Variants in OXR1 observed in about 807,000 individuals in gnomAD.
OXR1 encodes the protein oxidation resistance 1.
OXR1 carries 41 observed loss-of-function variants against 104.6 expected under a neutral mutation model. The observed-to-expected ratio is 0.39, with a 90% CI of 0.31 to 0.51. The LOEUF (loss-of-function observed/expected upper bound fraction) is 0.51. Among genes scored for constraint, OXR1 ranks in the 20% least tolerant of loss-of-function variants. OXR1 has a pLI of 0.77. For missense variants in OXR1, 955 were observed against 1,031.9 expected (o/e 0.93, Z 1.02); for synonymous variants, 348 against 348.4 (o/e 1.00, Z 0.01).
chr8:106,484,358 C>G (rs538390943), intron 2 of OXR1, among the ~76,000 whole-genome samples: 9 of 151,966 alleles, frequency 5.9e-5, no homozygotes, highest in Non-Finnish European at 1.3e-4. Flanking sequence ...CCCAGTTGCC[C>G]TGAATTGATC....
intron 2 of OXR1, among the ~76,000 whole-genome samples, chr8:106,438,098 C>A (rs551078341): frequency 7.2e-4 from 110 of 152,246 alleles, no homozygotes; most frequent in African/African-American, 2.6e-3. Flanking sequence ...CAGTGCAGAT[C>A]TTTAGGGACT....
chr8:106,536,755 A>G (rs986943757), intron 3 of OXR1, among the ~76,000 whole-genome samples: 10 of 152,326 alleles, frequency 6.6e-5, no homozygotes, highest in African/African-American at 2.4e-4. Flanking sequence ...AAGCAGAGAC[A>G]AAAGCCTAAC....
intron 1 of OXR1, among the ~76,000 whole-genome samples, chr8:106,295,575 T>G (rs2130063979): frequency 6.6e-6 from 1 of 152,274 alleles, no homozygotes; most frequent in Admixed American, 6.5e-5. Flanking sequence ...TTATTTGCTT[T>G]AGTATCAGCT....
intron 8 of OXR1, among the ~76,000 whole-genome samples, chr8:106,704,387 CTTCTTCTTTTT>C (rs1830909540): frequency 2.5e-5 from 2 of 80,840 alleles, no homozygotes; most frequent in African/African-American, 4.9e-5. Flanking sequence ...TTCTTTCTTT[CTTCTTCTTTTT>C]TTTTTTTTTT....
At chr8:106,287,005 C>T (rs1431604799) in intron 1 of OXR1, among the ~76,000 whole-genome samples, 1 of 152,078 alleles carries the variant, frequency 6.6e-6, no homozygotes, top group East Asian at 1.9e-4. Flanking sequence ...AAAATTCTGC[C>T]ACAGCTTCAT....
chr8:106,449,353 A>C (rs1820191542), intron 2 of OXR1, among the ~76,000 whole-genome samples: 1 of 152,160 alleles, frequency 6.6e-6, no homozygotes, highest in South Asian at 2.1e-4. Flanking sequence ...TGGTTTAGTC[A>C]CAGAACCAAT....
At chr8:106,631,416 A>ATT (rs1822674820) in intron 3 of OXR1, among the ~76,000 whole-genome samples, 1 of 152,238 alleles carries the variant, frequency 6.6e-6, no homozygotes, top group Non-Finnish European at 1.5e-5. Flanking sequence ...TGGATGGAAC[A>ATT]CAAAATTAAG....
chr8:106,697,231 G>A (rs1328396292), intron 7 of OXR1, among the ~76,000 whole-genome samples: 1 of 152,208 alleles, frequency 6.6e-6, no homozygotes, highest in African/African-American at 2.4e-5. Context: ...GTATGGGGAA[G>A]GGAATGTATT....
At chr8:106,663,615 T>C (rs2131103132) in intron 3 of OXR1, among the ~76,000 whole-genome samples, 1 of 152,278 alleles carries the variant, frequency 6.6e-6, no homozygotes, top group African/African-American at 2.4e-5. Flanking sequence ...GTCCATGGCC[T>C]GTTAGGAACC....
At chr8:106,428,501 G>T (rs982243033) in intron 2 of OXR1, among the ~76,000 whole-genome samples, 7 of 152,134 alleles carry the variant, frequency 4.6e-5, no homozygotes, top group Admixed American at 3.9e-4. Context: ...GGTTGGAATG[G>T]ATATGGAGGC....
intron 2 of OXR1, among the ~76,000 whole-genome samples, chr8:106,513,973 G>A (rs1420716204): frequency 6.6e-6 from 1 of 152,050 alleles, no homozygotes; most frequent in East Asian, 1.9e-4. Flanking sequence ...AAAAGCAGAA[G>A]GACAAGAAAA....
At chr8:106,489,912 T>C (rs1238292399) in intron 2 of OXR1, among the ~76,000 whole-genome samples, 4 of 152,210 alleles carry the variant, frequency 2.6e-5, no homozygotes, top group Non-Finnish European at 1.5e-5. Context: ...ATATAATTTT[T>C]GTCCAGATTG....
intron 1 of OXR1, among the ~76,000 whole-genome samples, chr8:106,285,906 CCTT>C (rs1011034335): frequency 2.0e-5 from 3 of 152,138 alleles, no homozygotes; most frequent in African/African-American, 7.2e-5. Flanking sequence ...GGACTTCCCT[CCTT>C]CTGGGAATGT....
intron 3 of OXR1, among the ~76,000 whole-genome samples, chr8:106,646,044 G>C (rs1824049257): frequency 6.6e-6 from 1 of 151,946 alleles, no homozygotes; most frequent in Non-Finnish European, 1.5e-5. Flanking sequence ...AAATGTGCTG[G>C]CAACAGATTT....
intron 2 of OXR1, among the ~76,000 whole-genome samples, chr8:106,371,780 C>T (rs1816718103): frequency 2.6e-5 from 4 of 152,222 alleles, no homozygotes. Flanking sequence ...AGGGAAGCCT[C>T]ACCCAATGAG....
chr8:106,469,008 GTGTGT>G (rs781636831), intron 2 of OXR1, among the ~76,000 whole-genome samples: 9 of 118,622 alleles, frequency 7.6e-5, no homozygotes, highest in Non-Finnish European at 1.3e-4. Context: ...TTGTTTGTTT[GTGTGT>G]TGTTGTTGTT....
At chr8:106,636,011 A>G (rs1823102866) in intron 3 of OXR1, among the ~76,000 whole-genome samples, 1 of 152,174 alleles carries the variant, frequency 6.6e-6, no homozygotes. Context: ...TGCCTTAGTT[A>G]TGATTTTCTT....
intron 12 of OXR1, among the ~76,000 whole-genome samples, chr8:106,738,736 C>G (rs1003876395): frequency 6.2e-5 from 8 of 128,908 alleles, no homozygotes; most frequent in Admixed American, 4.3e-4. Context: ...TTTAAGAATA[C>G]CAGTGAAATC....
Position 106,631,835 on chromosome 8 carries a change from T to C in OXR1, c.221-47375T>C, listed in dbSNP as rs562931916. On this transcript the variant is annotated intron_variant, in intron 3 of 16. Transcript: ENST00000517566. ...ACATATTGCTGAGATAGGGATTTAA[T>C]TGCCAACTGAAAAAATCCCTTCAGT... is the stretch of plus-strand genomic sequence containing the variant. Among the ~76,000 whole-genome samples the C allele has an allele frequency of 5.9e-5, 9 of 152,306 alleles. No homozygotes were observed. In the East Asian group the frequency reaches 1.3e-3, roughly 23 times the overall value.
Sources: allele counts gnomAD v4.1 joint callset (sites outside exome capture counted in the v4.1 genomes callset), GRCh38; gene constraint gnomAD v4.1.1; transcripts MANE v1.5; gene names NCBI Gene and HGNC (gene_info 2026-07-23, HGNC 2026-07-21).